The following TSEN15 variants were observed in gnomAD, a reference collection of about 807,000 sequenced individuals.
TSEN15 encodes the protein tRNA-splicing endonuclease subunit Sen15.
TSEN15 carries 10 observed loss-of-function variants against 20.5 expected under a neutral mutation model. The ratio of observed to expected loss-of-function variants is 0.49; its 90% confidence interval spans 0.30 to 0.83. The LOEUF (loss-of-function observed/expected upper bound fraction) is 0.83. Among genes scored for constraint, TSEN15 ranks in the 40% least tolerant of loss-of-function variants. TSEN15 has a pLI of 0.06. For synonymous variants in TSEN15, 72 were observed against 80.1 expected, an observed-to-expected ratio of 0.90 and a Z score of 0.54; for missense variants, 180 against 218.6, an observed-to-expected ratio of 0.82 and a Z score of 1.11.
chr1:184,063,691 G>T (rs1650545876), intron 3 of TSEN15, among the ~76,000 whole-genome samples: 1 of 151,648 alleles, frequency 6.6e-6, no homozygotes, highest in African/African-American at 2.4e-5. Flanking sequence ...CTTTTTTAAA[G>T]GACATGATTA....
At chr1:184,051,976 C>T (rs1650069137) in intron 1 of TSEN15, 86 bp downstream of exon 1, 4 of 1,272,118 alleles carry the variant, frequency 3.1e-6, no homozygotes, top group African/African-American at 1.5e-5. Context: ...CTTTCTTCCT[C>T]AGTGGGAGAC....
Position 184,054,882 on chromosome 1 carries a change from T to C in TSEN15, c.353+19T>C. 1 of 1,603,870 alleles carries C rather than the reference T, an allele frequency of 6.2e-7. No homozygotes were observed. Among genetic ancestry groups the C allele is most frequent in the Non-Finnish European group, 8.5e-7 (1 of 1,175,250 alleles). ...ATAACAGGTGAGCAGGTGATTTTGG[T>C]CTAAGTTCCTTTCCCGAGTAAAGCA... On this transcript the variant is annotated intron_variant, in intron 3 of 4. Transcript: ENST00000645668.
At chr1:184,083,256 A>T (rs957480925) in intron 3 of TSEN15, among the ~76,000 whole-genome samples, 10 of 152,176 alleles carry the variant, frequency 6.6e-5, no homozygotes, top group African/African-American at 2.4e-4. Context: ...GCAGAGCTTC[A>T]TGTACCTCAG....
At chr1:184,052,327 G>C (rs1294359392) in intron 1 of TSEN15, among the ~76,000 whole-genome samples, 1 of 152,194 alleles carries the variant, frequency 6.6e-6, no homozygotes, top group Non-Finnish European at 1.5e-5. Flanking sequence ...CTTGGGCCCA[G>C]AATGCATCTT....
At chr1:184,074,979 T>C (rs186948302), downstream of TSEN15, among the ~76,000 whole-genome samples, 84 of 152,222 alleles carry the variant, frequency 5.5e-4, no homozygotes, top group African/African-American at 1.9e-3. Flanking sequence ...ATTCTTAGGG[T>C]CTCTTGATTT....
intron 3 of TSEN15, among the ~76,000 whole-genome samples, chr1:184,092,163 T>A (rs1651371949): frequency 6.6e-6 from 1 of 152,232 alleles, no homozygotes; most frequent in African/African-American, 2.4e-5. Context: ...ACCAGACAGA[T>A]GTGCTCTGCT....
intron 3 of TSEN15, among the ~76,000 whole-genome samples, chr1:184,083,388 C>T (rs1651205491): frequency 1.3e-5 from 2 of 152,200 alleles, no homozygotes; most frequent in African/African-American, 4.8e-5. Context: ...GATTTATAAA[C>T]AAAATATATC....
intron 3 of TSEN15, among the ~76,000 whole-genome samples, chr1:184,082,625 G>A (rs952345804): frequency 6.6e-6 from 1 of 152,008 alleles, no homozygotes; most frequent in South Asian, 2.1e-4. Flanking sequence ...CGGAGGGCAC[G>A]GACCACAGGT....
intron 2 of TSEN15, 41 bp downstream of exon 2, chr1:184,054,476 G>T (rs756115720): frequency 2.0e-6 from 3 of 1,469,614 alleles, no homozygotes; most frequent in Non-Finnish European, 2.8e-6. Flanking sequence ...TGGGACTGTG[G>T]TAGAGATTTG....
At chr1:184,074,693 T>G (rs528644203), downstream of TSEN15, among the ~76,000 whole-genome samples, 210 of 152,260 alleles carry the variant, frequency 1.4e-3, 1 homozygote, top group African/African-American at 4.8e-3. Context: ...CATGGCTGAT[T>G]AGGAAACAAC....
intron 2 of TSEN15, 35 bp from the exon 3 acceptor site, chr1:184,054,693 T>G (rs1650178670): frequency 6.3e-7 from 1 of 1,595,448 alleles, no homozygotes; most frequent in East Asian, 2.2e-5. Flanking sequence ...TTGTATTTAA[T>G]AAACATTATT....
At chr1:184,055,111 G>C (rs1370631350) in intron 3 of TSEN15, 1 of 361,628 alleles carries the variant, frequency 2.8e-6, no homozygotes, top group Non-Finnish European at 4.9e-6. Flanking sequence ...AGTTCTGAAG[G>C]CTTTACAGTA....
chr1:184,059,443 T>G (rs181389322), intron 3 of TSEN15, among the ~76,000 whole-genome samples: 1 of 152,190 alleles, frequency 6.6e-6, no homozygotes, highest in Non-Finnish European at 1.5e-5. Context: ...TTTATTTAGA[T>G]TATGAAGGCC....
chr1:184,092,560 T>G (rs554771547), intron 3 of TSEN15, among the ~76,000 whole-genome samples: 1 of 152,338 alleles, frequency 6.6e-6, no homozygotes, highest in African/African-American at 2.4e-5. Flanking sequence ...GGACCTTGGT[T>G]TCTCATCAAA....
chr1:184,067,960 A>G (rs1221021290), intron 3 of TSEN15, among the ~76,000 whole-genome samples: 1 of 143,400 alleles, frequency 7.0e-6, no homozygotes, highest in South Asian at 2.2e-4. Flanking sequence ...ATATATATAT[A>G]TATATATATA....
At chr1:184,076,284 G>C (rs1288968585), downstream of TSEN15, among the ~76,000 whole-genome samples, 2 of 151,950 alleles carry the variant, frequency 1.3e-5, no homozygotes, top group Admixed American at 6.6e-5. Flanking sequence ...TATTATATCT[G>C]ATATGGTGAT....
downstream of TSEN15, among the ~76,000 whole-genome samples, chr1:184,077,560 A>G (rs528025253): frequency 7.7e-4 from 118 of 152,296 alleles, no homozygotes; most frequent in African/African-American, 2.7e-3. Flanking sequence ...TGTAGCTGCC[A>G]TAGATAGTTA....
intron 3 of TSEN15, chr1:184,070,598 CTAT>C (rs757151386): frequency 8.8e-6 from 10 of 1,134,694 alleles, no homozygotes; most frequent in South Asian, 4.2e-5. Flanking sequence ...GTATCTTTTT[CTAT>C]TATTATTAAT....
Position 184,097,439 on chromosome 1 carries a change from T to G in TSEN15, c.*1635T>G, listed in dbSNP as rs1651475332. ...GAGGTATTATAGGTTATAGAATCCCTTGCTTTTTATTCCTTTATCACAGAT... is the reference window on the plus strand; with the variant it reads ...GAGGTATTATAGGTTATAGAATCCCGTGCTTTTTATTCCTTTATCACAGAT... On this transcript the variant is annotated 3_prime_UTR_variant, in exon 4 of 4. Transcript: ENST00000643231. The G allele has an allele frequency of 2.0e-5, 3 of 152,278 alleles. No homozygotes were observed. The South Asian group carries it at 6.2e-4, about 32-fold the overall frequency. The allele number at this position is 152,278 out of a possible 1,614,324, so 9.4% of individuals were successfully genotyped here.
Sources: gnomAD v4.1 joint callset for allele counts (sites outside exome capture counted in the v4.1 genomes callset) on GRCh38, gnomAD v4.1.1 for gene constraint, MANE v1.5 for transcripts, NCBI Gene and HGNC (gene_info 2026-07-23, HGNC 2026-07-21) for gene names.